GNG7: variants seen among roughly 807,000 people sequenced by gnomAD.
GNG7 encodes the protein guanine nucleotide-binding protein G(I)/G(S)/G(O) subunit gamma-7.
Under a neutral mutation model 4.0 loss-of-function variants are expected in GNG7, and 1 was observed. The ratio of observed to expected loss-of-function variants is 0.25; its 90% CI spans 0.09 to 1.18. The LOEUF is 1.18. Ranked by LOEUF, GNG7 falls within the 50% of genes most tolerant of loss-of-function variation. The probability of loss-of-function intolerance (pLI) is 0.50; values close to 1 mark genes in which losing one functional copy is unlikely to be tolerated. For missense variants in GNG7, 86 were observed against 91.9 expected (o/e 0.94, Z 0.26); for synonymous variants, 34 against 36.9 (o/e 0.92, Z 0.29).
At chr19:2,552,857 C>A (rs967681905) in intron 3 of GNG7, among the ~76,000 whole-genome samples, 154 of 147,842 alleles carry the variant, frequency 1.0e-3, no homozygotes, top group Middle Eastern at 3.4e-3. Context: ...CTCCACCCCC[C>A]CCACCTCCCC....
At chr19:2,586,351 T>G (rs2144796544) in intron 2 of GNG7, among the ~76,000 whole-genome samples, 2 of 152,288 alleles carry the variant, frequency 1.3e-5, no homozygotes, top group East Asian at 3.9e-4. Context: ...AGAGTGACTT[T>G]CACACTCCCT....
intron 2 of GNG7, among the ~76,000 whole-genome samples, chr19:2,593,006 AGG>A (rs1229476941): frequency 6.7e-6 from 1 of 148,494 alleles, no homozygotes; most frequent in East Asian, 2.0e-4. Flanking sequence ...GGAAAGGAGA[AGG>A]GAAAAAAAGA....
At chr19:2,681,419 A>G (rs184949051) in intron 1 of GNG7, among the ~76,000 whole-genome samples, 1 of 152,024 alleles carries the variant, frequency 6.6e-6, no homozygotes, top group Non-Finnish European at 1.5e-5. Context: ...TCCTGACCTC[A>G]TGATCCGCCC....
chr19:2,532,478 CAT>C (rs1978626424), intron 3 of GNG7, among the ~76,000 whole-genome samples: 1 of 152,088 alleles, frequency 6.6e-6, no homozygotes, highest in African/African-American at 2.4e-5. Flanking sequence ...GAGCAAAAGA[CAT>C]AGAAGATGCA....
intron 2 of GNG7, among the ~76,000 whole-genome samples, chr19:2,575,856 G>A (rs1599400887): frequency 7.7e-6 from 1 of 129,676 alleles, no homozygotes; most frequent in Non-Finnish European, 1.6e-5. Flanking sequence ...CAGACACGCA[G>A]GCACACGCAG....
intron 2 of GNG7, among the ~76,000 whole-genome samples, chr19:2,637,238 C>T (rs1212268638): frequency 1.3e-5 from 2 of 151,992 alleles, no homozygotes; most frequent in African/African-American, 4.8e-5. Context: ...CCCGGCCCGT[C>T]TTTGCTGTTG....
Position 2,614,543 on chromosome 19 carries a change from G to A in GNG7, c.-78+31681C>T, listed in dbSNP as rs1422669245. ...TTTCATAGAAATAGGATGACACACT[G>A]TGTGGCCTTTTGGATCTGGCATCTC... On this transcript the variant is annotated intron_variant, in intron 2 of 4. Transcript: ENST00000382159. This position sits in a 1 kb window ranked among gnomAD's most constrained non-coding sequence, Gnocchi z 6.0. Among the ~76,000 whole-genome samples the A allele has an allele frequency of 6.6e-6, 1 of 152,038 alleles. No homozygotes were observed. Among genetic ancestry groups the A allele is most frequent in the African/African-American group, 2.4e-5 (1 of 41,376 alleles).
At chr19:2,665,816 C>G (rs549204350) in intron 1 of GNG7, among the ~76,000 whole-genome samples, 3 of 152,180 alleles carry the variant, frequency 2.0e-5, no homozygotes, top group Non-Finnish European at 4.4e-5. Context: ...ATGGCACATA[C>G]TGGCTTTATT....
At chr19:2,605,578 A>C (rs1324819106) in intron 2 of GNG7, among the ~76,000 whole-genome samples, 1 of 118,900 alleles carries the variant, frequency 8.4e-6, no homozygotes. Context: ...CAGTGGCTTG[A>C]TCTTGGCTTA....
At chr19:2,548,265 G>T (rs1979192403) in intron 3 of GNG7, among the ~76,000 whole-genome samples, 1 of 151,984 alleles carries the variant, frequency 6.6e-6, no homozygotes, top group Admixed American at 6.6e-5. Context: ...GATTGCCTGA[G>T]CTCAGGAGTT....
chr19:2,598,817 A>T (rs142785606), intron 2 of GNG7, among the ~76,000 whole-genome samples: 1 of 152,114 alleles, frequency 6.6e-6, no homozygotes, highest in East Asian at 1.9e-4. Context: ...CACTAGGAAA[A>T]GGATGTCTCA....
At position 2,535,737 on chromosome 19, in the gene GNG7, G is replaced by A. The variant is rs570354221; in HGVS notation, c.-37-15012C>T. 3.9e-5 allele frequency among the ~76,000 whole-genome samples: 6 copies of A among 152,144 alleles called. No individual in the cohort carries two copies. The East Asian group carries it at 7.7e-4, about 20-fold the overall frequency. ...TTCTAGCACCAGGTGACCTTGACTCGGAATTCCTAGAACACGGTACACTCG... is the reference window on the plus strand; with the variant it reads ...TTCTAGCACCAGGTGACCTTGACTCAGAATTCCTAGAACACGGTACACTCG... On this transcript the variant is annotated intron_variant, in intron 3 of 4. Transcript: ENST00000382159.
At chr19:2,582,871 G>C (rs1052141572) in intron 2 of GNG7, among the ~76,000 whole-genome samples, 39 of 152,132 alleles carry the variant, frequency 2.6e-4, no homozygotes, top group South Asian at 2.1e-4. Context: ...GTTTCACCAT[G>C]TTGGCCAGGA....
chr19:2,629,080 A>T (rs1982093412), intron 2 of GNG7, among the ~76,000 whole-genome samples: 1 of 152,180 alleles, frequency 6.6e-6, no homozygotes, highest in Non-Finnish European at 1.5e-5. Flanking sequence ...TAGGAAACAC[A>T]CACAAAGTGG....
intron 3 of GNG7, among the ~76,000 whole-genome samples, chr19:2,552,797 G>A (rs1007592605): frequency 2.0e-5 from 3 of 150,900 alleles, no homozygotes; most frequent in Non-Finnish European, 4.4e-5. Flanking sequence ...CAGAAACAAA[G>A]TGCACAAAAA....
chr19:2,624,652 C>T lies in GNG7; in HGVS notation c.-78+21572G>A, dbSNP rs8110395. Among the ~76,000 whole-genome samples the T allele has an allele frequency of 7.2e-3, 1,101 of 152,306 alleles. 11 individuals carry two copies. Among genetic ancestry groups the T allele is most frequent in the African/African-American group, 0.025 (1,024 of 41,572 alleles). On this transcript the variant is annotated intron_variant, in intron 2 of 4. Transcript: ENST00000382159. ...TGGTGCCACAGCACAGCAGGCCTCT[C>T]GTCTCCGGAGCAGTGACTGTGACCT... is the stretch of plus-strand genomic sequence containing the variant.
rs113136563 is a variant in GNG7, at chr19:2,538,723, T to C, written c.-38+16426A>G. On this transcript the variant is annotated intron_variant, in intron 3 of 4. Coordinates refer to ENST00000382159, the MANE Select transcript of GNG7 (RefSeq NM_052847.3). ...TGAGATTCCTGAATTCCTCACTGCATTGGAAGTGCTGATGGCTTCAGACTT... is the reference window on the plus strand; with the variant it reads ...TGAGATTCCTGAATTCCTCACTGCACTGGAAGTGCTGATGGCTTCAGACTT... 591 of 460,996 alleles carry C rather than the reference T, an allele frequency of 1.3e-3. 2 individuals are homozygous for C. Among genetic ancestry groups the C allele is most frequent in the African/African-American group, 0.011 (534 of 50,150 alleles). 28.6% of individuals were successfully genotyped at this position (460,996 alleles called of 1,614,324 possible). A position where few individuals can be genotyped will look rare whatever the true frequency, so the allele number is the denominator to read the frequency against.
intron 2 of GNG7, among the ~76,000 whole-genome samples, chr19:2,574,559 T>C (rs1208830346): frequency 6.6e-6 from 1 of 152,208 alleles, no homozygotes; most frequent in Non-Finnish European, 1.5e-5. Flanking sequence ...CGTGTCTGGA[T>C]TCCCTTCCTT....
chr19:2,650,097 C>T (rs1052986734), intron 1 of GNG7, among the ~76,000 whole-genome samples: 4 of 152,112 alleles, frequency 2.6e-5, no homozygotes, highest in Non-Finnish European at 5.9e-5. Flanking sequence ...TTTTTTAAAT[C>T]CATTCACCGG....
Sources: allele counts gnomAD v4.1 joint callset (sites outside exome capture counted in the v4.1 genomes callset), GRCh38; gene constraint gnomAD v4.1.1; non-coding constraint Gnocchi (gnomAD v3.1); transcripts MANE v1.5; gene names NCBI Gene and HGNC (gene_info 2026-07-23, HGNC 2026-07-21).